Variants in CPNE4 observed in about 807,000 individuals in gnomAD.
CPNE4 encodes the protein copine-4.
In CPNE4, 25 loss-of-function variants were observed where a neutral mutation model predicts 67.9. The ratio of observed to expected loss-of-function variants is 0.37; its 90% CI spans 0.27 to 0.51. The LOEUF (loss-of-function observed/expected upper bound fraction) is 0.51. Ranked by LOEUF, CPNE4 falls within the 20% of genes least tolerant of loss-of-function variation. CPNE4 has a pLI of 0.93. For missense variants in CPNE4, 464 were observed against 690.8 expected, an observed-to-expected ratio of 0.67 and a Z score of 3.68; for synonymous variants, 242 against 244.9, an observed-to-expected ratio of 0.99 and a Z score of 0.11.
intron 1 of CPNE4, among the ~76,000 whole-genome samples, chr3:131,955,415 T>TTTGTTTTTTG (rs1560674279): frequency 1.6e-5 from 2 of 123,802 alleles, no homozygotes. Flanking sequence ...GTAAGGTTTT[T>TTTGTTTTTTG]TTTTTTTTTT....
intron 2 of CPNE4, among the ~76,000 whole-genome samples, chr3:131,872,075 C>G (rs948748333): frequency 3.3e-5 from 5 of 152,124 alleles, no homozygotes; most frequent in Non-Finnish European, 7.4e-5. Context: ...TTGTAACTGC[C>G]TCAAACAACA....
intron 7 of CPNE4, among the ~76,000 whole-genome samples, chr3:131,605,252 C>T (rs547555376): frequency 1.3e-5 from 2 of 152,042 alleles, no homozygotes; most frequent in African/African-American, 2.4e-5. Context: ...AGACAGAATG[C>T]TATTTTATTT....
intron 5 of CPNE4, 55 bp from the exon 6 acceptor site, chr3:131,686,013 T>TA: frequency 4.2e-6 from 4 of 941,932 alleles, no homozygotes; most frequent in Non-Finnish European, 5.1e-6. Context: ...GATCTAGTCC[T>TA]GATCAATCAG....
chr3:132,000,601 A>C (rs9813341), intron 1 of CPNE4, among the ~76,000 whole-genome samples: 13,325 of 151,768 alleles, frequency 0.088, 710 homozygotes, highest in Non-Finnish European at 0.12. Flanking sequence ...GAAGAGACAA[A>C]ATTTTAGAAA....
intron 2 of CPNE4, among the ~76,000 whole-genome samples, chr3:131,845,741 G>A (rs34928699): frequency 0.014 from 2,076 of 152,212 alleles, 28 homozygotes; most frequent in Non-Finnish European, 0.018. Flanking sequence ...AAAGCAACTC[G>A]ATGAGGGCAT....
intron 2 of CPNE4, among the ~76,000 whole-genome samples, chr3:131,876,648 A>AAAAAAAAAAG: frequency 6.8e-6 from 1 of 148,146 alleles, no homozygotes; most frequent in African/African-American, 2.4e-5. Flanking sequence ...TCTCAAAAAA[A>AAAAAAAAAAG]AAAAAAAAGA....
At chr3:131,566,221 T>C (rs1244755657) in intron 10 of CPNE4, among the ~76,000 whole-genome samples, 1 of 151,836 alleles carries the variant, frequency 6.6e-6, no homozygotes, top group Non-Finnish European at 1.5e-5. Context: ...CATGGCAATT[T>C]GGGGAAGAAT....
At chr3:131,978,270 T>TA (rs1491092471) in intron 1 of CPNE4, among the ~76,000 whole-genome samples, 4 of 368 alleles carry the variant, frequency 0.011, no homozygotes, top group Non-Finnish European at 7.1e-3. Context: ...TTTATATATA[T>TA]TTTATATATA....
intron 1 of CPNE4, among the ~76,000 whole-genome samples, chr3:131,963,256 A>T (rs1371079324): frequency 6.6e-6 from 1 of 151,940 alleles, no homozygotes; most frequent in African/African-American, 2.4e-5. Flanking sequence ...AGACCAGGGG[A>T]TTCCCTCACT....
chr3:131,871,339 T>C (rs996605598), intron 2 of CPNE4, among the ~76,000 whole-genome samples: 4 of 152,096 alleles, frequency 2.6e-5, no homozygotes, highest in African/African-American at 4.8e-5. Context: ...TTGCTGGAAA[T>C]TGAAATAAGA....
intron 7 of CPNE4, among the ~76,000 whole-genome samples, chr3:131,661,278 G>C (rs1365995761): frequency 6.6e-6 from 1 of 152,068 alleles, no homozygotes; most frequent in East Asian, 1.9e-4. Flanking sequence ...GAGAGACCCA[G>C]GTTTAAACTA....
At chr3:131,942,484 GAGAGAGA>G in intron 1 of CPNE4, among the ~76,000 whole-genome samples, 1 of 103,154 alleles carries the variant, frequency 9.7e-6, no homozygotes, top group Admixed American at 8.9e-5. Flanking sequence ...GAGAGAGAGA[GAGAGAGA>G]GAGAGAGAGA....
intron 9 of CPNE4, 83 bp from the exon 10 acceptor site, chr3:131,575,213 G>T: frequency 8.7e-7 from 1 of 1,153,042 alleles, no homozygotes; most frequent in Non-Finnish European, 1.3e-6. Flanking sequence ...GTTGGTGACT[G>T]ATAAGCTGCT....
chr3:131,549,496 T>G (rs1936054427), intron 14 of CPNE4, among the ~76,000 whole-genome samples: 1 of 152,148 alleles, frequency 6.6e-6, no homozygotes, highest in African/African-American at 2.4e-5. Flanking sequence ...CAATTTTTGC[T>G]GTGATGTTTT....
At chr3:131,919,152 A>G (rs1175550230) in intron 1 of CPNE4, among the ~76,000 whole-genome samples, 1 of 152,330 alleles carries the variant, frequency 6.6e-6, no homozygotes, top group East Asian at 1.9e-4. Flanking sequence ...GGTGACCTTC[A>G]GATAGTCAAC....
intron 2 of CPNE4, among the ~76,000 whole-genome samples, chr3:131,895,239 T>C (rs1027196746): frequency 2.0e-5 from 3 of 151,980 alleles, no homozygotes; most frequent in Non-Finnish European, 4.4e-5. Flanking sequence ...GGATGAGATG[T>C]TGGTCAATGG....
chr3:131,848,521 A>G (rs2086093474), intron 2 of CPNE4, among the ~76,000 whole-genome samples: 1 of 149,864 alleles, frequency 6.7e-6, no homozygotes, highest in Admixed American at 6.6e-5. Flanking sequence ...AAATATAAGA[A>G]AGGAAAGGAA....
At chr3:131,645,172 T>A (rs1036450505) in intron 7 of CPNE4, among the ~76,000 whole-genome samples, 5 of 152,236 alleles carry the variant, frequency 3.3e-5, no homozygotes, top group African/African-American at 7.2e-5. Flanking sequence ...CAGACTAACA[T>A]CGTACCTACC....
At chr3:131,935,930 T>C (rs2071206087) in intron 1 of CPNE4, among the ~76,000 whole-genome samples, 1 of 151,738 alleles carries the variant, frequency 6.6e-6, no homozygotes, top group South Asian at 2.1e-4. Flanking sequence ...GGATATGAAT[T>C]CTCCTTTAAG....
Sources: gnomAD v4.1 joint callset for allele counts (sites outside exome capture counted in the v4.1 genomes callset) on GRCh38, gnomAD v4.1.1 for gene constraint, MANE v1.5 for transcripts, NCBI Gene and HGNC (gene_info 2026-07-23, HGNC 2026-07-21) for gene names.